DMD: variants seen among roughly 807,000 people sequenced by gnomAD.
DMD encodes mutant dystrophin.
A neutral mutation model predicts 330.1 loss-of-function variants in DMD; 63 were observed. The observed-to-expected ratio is 0.19, with a 90% CI of 0.16 to 0.24. The LOEUF is 0.24. DMD is among the 10% of genes least tolerant of loss of function. The pLI is 1.00. For missense variants in DMD, 3,344 were observed against 2,684.1 expected, an observed-to-expected ratio of 1.25 and a Z score of -5.43; for synonymous variants, 1,223 against 959.8, an observed-to-expected ratio of 1.27 and a Z score of -5.07.
At chrX:31,872,544 T>C (rs1291874112) in intron 48 of DMD, among the ~76,000 whole-genome samples, 1 of 111,693 alleles carries the variant, frequency 9.0e-6, no homozygotes, top group East Asian at 2.8e-4. Context: ...TTCTTAAATG[T>C]GTTCCAGGAA....
chrX:32,726,150 A>T (rs1430983299), intron 7 of DMD, among the ~76,000 whole-genome samples: 1 of 111,441 alleles, frequency 9.0e-6, no homozygotes, highest in Non-Finnish European at 1.9e-5. Context: ...GGAGGCAATG[A>T]CACTACTATA....
At chrX:32,919,327 C>T (rs2088155371) in intron 2 of DMD, among the ~76,000 whole-genome samples, 2 of 111,666 alleles carry the variant, frequency 1.8e-5, no homozygotes, top group African/African-American at 6.5e-5. Context: ...ACTATCCAAC[C>T]TGTTTTATAC....
intron 7 of DMD, among the ~76,000 whole-genome samples, chrX:32,791,705 A>T (rs773022733): frequency 4.0e-3 from 452 of 112,257 alleles, no homozygotes; most frequent in Non-Finnish European, 6.8e-3. Context: ...AAAAAATTTT[A>T]AAAAAATGAG....
At chrX:32,818,379 A>AC (rs1469887555) in intron 5 of DMD, among the ~76,000 whole-genome samples, 117 of 111,220 alleles carry the variant, frequency 1.1e-3, no homozygotes, top group African/African-American at 3.8e-3. Flanking sequence ...TGTTGCTCAG[A>AC]CAAAAAAAAA....
At chrX:33,111,463 T>G (rs2095338699) in intron 1 of DMD, among the ~76,000 whole-genome samples, 1 of 112,291 alleles carries the variant, frequency 8.9e-6, no homozygotes, top group East Asian at 2.8e-4. Flanking sequence ...ACCAATAATC[T>G]GTGATTGAAT....
intron 16 of DMD, among the ~76,000 whole-genome samples, chrX:32,549,355 G>T (rs2049292012): frequency 9.0e-6 from 1 of 111,614 alleles, no homozygotes; most frequent in Admixed American, 9.6e-5. Flanking sequence ...GGTAATTTAT[G>T]CAGTTGCCCA....
At chrX:32,932,065 T>A (rs935183112) in intron 2 of DMD, among the ~76,000 whole-genome samples, 11 of 112,359 alleles carry the variant, frequency 9.8e-5, no homozygotes, top group African/African-American at 3.5e-4. Flanking sequence ...CCTTATCAAG[T>A]AAAAATAATG....
intron 45 of DMD, among the ~76,000 whole-genome samples, chrX:31,932,888 A>G (rs989876239): frequency 8.9e-6 from 1 of 112,332 alleles, no homozygotes; most frequent in Non-Finnish European, 1.9e-5. Flanking sequence ...GGTTTGGAAA[A>G]TTCTTTGCTG....
chrX:33,201,598 C>T (rs989159523), intron 1 of DMD, among the ~76,000 whole-genome samples: 2 of 111,584 alleles, frequency 1.8e-5, no homozygotes, highest in Non-Finnish European at 3.8e-5. Context: ...TGAATGTATG[C>T]AACTAAATAT....
rs150788823 is a variant in DMD at position 33,303,584 on chromosome X, T to C, written c.7+35675A>G. Among the ~76,000 whole-genome samples, 357 of 111,542 alleles carry C rather than the reference T, an allele frequency of 3.2e-3. 1 individual carries two copies. The highest frequency in any genetic ancestry group is 4.5e-3 in the Non-Finnish European group (239 of 53,051). Reference sequence around the variant, plus strand: ...TAGTTCCCATAATCCCCCTGTGTGGTGGGAGAGACCCAGTGGGAGATAACT... The same window carrying C: ...TAGTTCCCATAATCCCCCTGTGTGGCGGGAGAGACCCAGTGGGAGATAACT... On this transcript the variant is annotated intron_variant, in intron 1 of 17. Transcript: ENST00000288447.
chrX:31,129,259 A>C (rs1333535530), intron 77 of DMD, among the ~76,000 whole-genome samples: 3 of 112,176 alleles, frequency 2.7e-5, no homozygotes, highest in Non-Finnish European at 5.6e-5. Context: ...CTGACTATTT[A>C]AAATACTTAA....
intron 1 of DMD, among the ~76,000 whole-genome samples, chrX:33,098,993 T>C (rs937220361): frequency 1.8e-5 from 2 of 112,349 alleles, no homozygotes; most frequent in African/African-American, 6.5e-5. Flanking sequence ...GAACAGGCTA[T>C]GACCTAATGC....
chrX:31,212,162 ATATATGTGTGTGTG>A (rs767767119), intron 64 of DMD, among the ~76,000 whole-genome samples: 475 of 85,483 alleles, frequency 5.6e-3, no homozygotes, highest in Non-Finnish European at 8.7e-3. Context: ...ATATATATAT[ATATATGTGTGTGTG>A]TATGTGTGTG....
intron 50 of DMD, among the ~76,000 whole-genome samples, chrX:31,776,469 T>C (rs1217642272): frequency 1.9e-5 from 2 of 108,037 alleles, no homozygotes; most frequent in Admixed American, 2.0e-4. Context: ...CATGTCACAC[T>C]AAATTTCAAT....
chrX:32,648,024 C>A (rs186983257), intron 9 of DMD, among the ~76,000 whole-genome samples: 21 of 111,969 alleles, frequency 1.9e-4, no homozygotes, highest in Non-Finnish European at 5.6e-5. Flanking sequence ...TTGTAAACAG[C>A]ACTAATACTC....
intron 1 of DMD, among the ~76,000 whole-genome samples, chrX:33,337,095 G>A (rs1038135912): frequency 9.0e-6 from 1 of 111,396 alleles, no homozygotes; most frequent in Non-Finnish European, 1.9e-5. Context: ...AACACAGTTT[G>A]GGGATTCCAG....
intron 43 of DMD, among the ~76,000 whole-genome samples, chrX:32,276,824 G>A (rs1204612460): frequency 2.7e-5 from 3 of 110,686 alleles, no homozygotes; most frequent in Admixed American, 9.7e-5. Context: ...GGGGGCTAAG[G>A]CACAAGAATC....
At chrX:32,503,051 C>A (rs1185527002) in intron 18 of DMD, among the ~76,000 whole-genome samples, 1 of 111,478 alleles carries the variant, frequency 9.0e-6, no homozygotes, top group Non-Finnish European at 1.9e-5. Context: ...TTACATGTGA[C>A]CAGTGTTAAC....
intron 7 of DMD, among the ~76,000 whole-genome samples, chrX:32,786,754 C>A (rs2148598029): frequency 8.9e-6 from 1 of 111,854 alleles, no homozygotes. Context: ...AGATTATATT[C>A]TGTAGTAGTT....
Sources: allele counts gnomAD v4.1 joint callset (sites outside exome capture counted in the v4.1 genomes callset), GRCh38; gene constraint gnomAD v4.1.1; transcripts MANE v1.5; gene names NCBI Gene and HGNC (gene_info 2026-07-23, HGNC 2026-07-21).